CPNE2: variants seen among roughly 807,000 people sequenced by gnomAD.
CPNE2 encodes copine 2, also known as copine-2.
In CPNE2, 42 loss-of-function variants were observed where a neutral mutation model predicts 69.7. That is an observed-to-expected ratio of 0.60 (90% CI 0.47 to 0.78). The LOEUF (loss-of-function observed/expected upper bound fraction) is 0.78. Among genes scored for constraint, CPNE2 ranks in the 30% least tolerant of loss-of-function variants. The pLI is 0.00. For missense variants in CPNE2, 587 were observed against 732.0 expected (o/e 0.80, Z 2.29); for synonymous variants, 294 against 289.8 (o/e 1.01, Z -0.15).
intron 13 of CPNE2, among the ~76,000 whole-genome samples, chr16:57,135,717 T>C (rs1264513873): frequency 6.6e-6 from 1 of 151,226 alleles, no homozygotes; most frequent in African/African-American, 2.4e-5. Context: ...GTACTAAAAC[T>C]ACAAAAATTA....
chr16:57,093,255 C>T (rs1597486542), intron 1 of CPNE2, among the ~76,000 whole-genome samples: 2 of 151,858 alleles, frequency 1.3e-5, no homozygotes, highest in African/African-American at 2.4e-5. Context: ...AGGCAACTGC[C>T]GGAGGGCCGG....
chr16:57,126,578 C>T (rs1206720860), intron 11 of CPNE2, among the ~76,000 whole-genome samples: 2 of 152,188 alleles, frequency 1.3e-5, no homozygotes, highest in African/African-American at 4.8e-5. Context: ...CAGGATATGA[C>T]ATCACTGTCA....
In CPNE2 at chr16:57,119,289, G is replaced by C. The variant is rs1479627434; in HGVS notation, c.591+11G>C. 4.3e-6 allele frequency: 7 copies of C among 1,613,184 alleles called. No individual in the cohort carries two copies. In the African/African-American group the frequency reaches 8.0e-5, roughly 18 times the overall value. On this transcript the variant is annotated intron_variant, in intron 6 of 15. Coordinates refer to ENST00000290776, the MANE Select transcript of CPNE2 (RefSeq NM_152727.6). ...GTCCACAGGACTGAGGTGGGTACGT[G>C]GGGGCCCAGGGATCTCTAAGCAGTG...
intron 1 of CPNE2, among the ~76,000 whole-genome samples, chr16:57,099,658 C>A (rs560829393): frequency 5.1e-4 from 77 of 151,144 alleles, no homozygotes; most frequent in Middle Eastern, 3.4e-3. Context: ...AGTGCAGTGG[C>A]GCGATCTCAG....
Position 57,119,573 on chromosome 16 carries a change from A to G in CPNE2, c.604A>G (p.Thr202Ala). Residue 202 changes from threonine (T) to alanine (A), a missense_variant, in exon 7 of 16, where the codon ACA (threonine) becomes GCA (alanine). Thr to Ala is a moderately conservative substitution (Grantham distance 58). This residue lies in a region of CPNE2 where 269 missense variants were observed against 300.5 expected (regional missense o/e 0.90). Transcript: ENST00000290776. Reference protein sequence around the residue: ...LVHRTEVIKYTLDPVWKPFTV... With the variant: ...LVHRTEVIKYALDPVWKPFTV... ...CTCTGTCCCACAGGTGATCAAGTAC[A>G]CACTGGACCCTGTGTGGAAGCCATT... 6.2e-7 allele frequency: 1 copy of G among 1,612,764 alleles called. No homozygotes were observed. The highest frequency in any genetic ancestry group is 8.5e-7 in the Non-Finnish European group (1 of 1,179,462).
Position 57,115,505 on chromosome 16 carries a change from T to G in CPNE2, c.390T>G (p.Pro130=). Reference sequence around the variant, plus strand: ...TCTCCAGCAAGAAGATCACTAGGCCTCTGCTGCTGCTGAATGACAAGCCTG... The same window carrying G: ...TCTCCAGCAAGAAGATCACTAGGCCGCTGCTGCTGCTGAATGACAAGCCTG... ...TIVSSKKITR[P]LLLLNDKPAG... Residue 130 remains proline (P), a synonymous_variant, in exon 4 of 16, where the codon CCT becomes CCG. Coordinates refer to ENST00000290776, the MANE Select transcript of CPNE2 (RefSeq NM_152727.6). 6.2e-7 allele frequency: 1 copy of G among 1,612,892 alleles called. No individual in the cohort carries two copies. The highest frequency in any genetic ancestry group is 8.5e-7 in the Non-Finnish European group (1 of 1,179,350).
At chr16:57,134,568 G>A (rs2069863083) in intron 12 of CPNE2, among the ~76,000 whole-genome samples, 1 of 152,146 alleles carries the variant, frequency 6.6e-6, no homozygotes, top group South Asian at 2.1e-4. Context: ...TCCACTATGA[G>A]GAGAGGGTGG....
At chr16:57,116,997 G>A (rs1047095787) in intron 4 of CPNE2, among the ~76,000 whole-genome samples, 6 of 152,190 alleles carry the variant, frequency 3.9e-5, no homozygotes, top group African/African-American at 9.7e-5. Context: ...ATAGCTGATG[G>A]GGAATGCATG....
chr16:57,147,426 C>A, intron 15 of CPNE2, 125 bp from the exon 16 acceptor site: 1 of 600,034 alleles, frequency 1.7e-6, no homozygotes. Context: ...CCCTGGCCCG[C>A]AGCCCTAATT....
At chr16:57,095,712 A>T (rs12597240) in intron 1 of CPNE2, among the ~76,000 whole-genome samples, 19,094 of 152,030 alleles carry the variant, frequency 0.13, 1,572 homozygotes, top group East Asian at 0.38. Flanking sequence ...TGATCCACCC[A>T]CCTCGGTCTC....
intron 4 of CPNE2, among the ~76,000 whole-genome samples, chr16:57,117,090 G>A (rs1251140875): frequency 6.6e-6 from 1 of 152,118 alleles, no homozygotes; most frequent in Admixed American, 6.5e-5. Context: ...TGAAGTGGCT[G>A]TGATGCTGAC....
chr16:57,098,828 G>GTGA (rs2069594975), intron 1 of CPNE2, among the ~76,000 whole-genome samples: 1 of 152,190 alleles, frequency 6.6e-6, no homozygotes, highest in African/African-American at 2.4e-5. Context: ...GCTCCAGTGA[G>GTGA]GGCGACGCTT....
In CPNE2 at chr16:57,134,794, T is replaced by C; in HGVS notation, c.1136T>C (p.Ile379Thr). Residue 379 changes from isoleucine (I) to threonine (T), a missense_variant, in exon 13 of 16, where the codon ATC becomes ACC. Around this residue, in one of 5 missense-constraint regions of CPNE2, gnomAD observed 185 missense variants for 252.3 expected, o/e 0.73. Transcript: ENST00000290776. ...TTTCAGGTCTCCCATGAGTTTGCCA[T>C]CAACTTCAACCCCACCAACCCCTTC... ...PDWKVSHEFAINFNPTNPFCS... is the reference protein window; with the variant it reads ...PDWKVSHEFATNFNPTNPFCS... The C allele has an allele frequency of 6.2e-7, 1 of 1,613,960 alleles. No individual in the cohort carries two copies. Among genetic ancestry groups the C allele is most frequent in the Non-Finnish European group, 8.5e-7 (1 of 1,179,926 alleles).
At chr16:57,122,286 G>T (rs1423673565) in intron 9 of CPNE2, among the ~76,000 whole-genome samples, 1 of 152,254 alleles carries the variant, frequency 6.6e-6, no homozygotes, top group Admixed American at 6.5e-5. Flanking sequence ...AAGGAAGGCA[G>T]CCTGGGGCAG....
chr16:57,125,647 A>G (rs1186273378), intron 10 of CPNE2: 1 of 603,524 alleles, frequency 1.7e-6, no homozygotes. Flanking sequence ...TAGGCAGTGG[A>G]CTTTATGCTT....
intron 9 of CPNE2, among the ~76,000 whole-genome samples, chr16:57,122,107 G>T (rs753787024): frequency 6.6e-6 from 1 of 152,232 alleles, no homozygotes; most frequent in Non-Finnish European, 1.5e-5. Flanking sequence ...GAGGACATTG[G>T]GTGGGGACAC....
chr16:57,115,372 G>A, intron 3 of CPNE2, 104 bp from the exon 4 acceptor site: 1 of 873,684 alleles, frequency 1.1e-6, no homozygotes, highest in Non-Finnish European at 1.8e-6. Flanking sequence ...GCCAGGGCGG[G>A]GTGCAGCCCT....
chr16:57,137,573 A>G (rs1469315402), intron 14 of CPNE2, among the ~76,000 whole-genome samples: 7 of 152,148 alleles, frequency 4.6e-5, no homozygotes, highest in African/African-American at 1.7e-4. Context: ...GAGTAACAAG[A>G]TGGAAAACTG....
At chr16:57,114,197 A>T (rs1484195583) in intron 3 of CPNE2, among the ~76,000 whole-genome samples, 3 of 152,156 alleles carry the variant, frequency 2.0e-5, no homozygotes, top group African/African-American at 7.2e-5. Context: ...CAGGGTCCCT[A>T]CCCTGTGGTA....
Sources: allele counts gnomAD v4.1 joint callset (sites outside exome capture counted in the v4.1 genomes callset), GRCh38; gene constraint gnomAD v4.1.1; regional missense constraint gnomAD v4.1.1; transcripts MANE v1.5; gene names NCBI Gene and HGNC (gene_info 2026-07-23, HGNC 2026-07-21).